The following SLC22A25 variants were observed in gnomAD, a reference collection of about 807,000 sequenced individuals.
SLC22A25 encodes the protein MGI:2442751, MGI:2385316, MGI:3042283, MGI:3645714, MGI:3605624, MGI:2442750.
SLC22A25 carries 44 observed loss-of-function variants against 45.9 expected under a neutral mutation model. The observed-to-expected ratio is 0.96, with a 90% confidence interval of 0.75 to 1.23. SLC22A25 has a LOEUF of 1.23. Ranked by LOEUF, SLC22A25 falls within the 50% of genes most tolerant of loss-of-function variation. The pLI is 0.00. For missense variants in SLC22A25, 800 were observed against 666.4 expected (o/e 1.20, Z -2.21); for synonymous variants, 283 against 238.6 (o/e 1.19, Z -1.72).
intron 7 of SLC22A25, among the ~76,000 whole-genome samples, chr11:63,200,397 A>G (rs2089201692): frequency 6.6e-6 from 1 of 151,320 alleles, no homozygotes; most frequent in South Asian, 2.1e-4. Flanking sequence ...AGAACTAAAG[A>G]CAAAAACACA....
Position 63,180,908 on chromosome 11 carries a change from A to C in SLC22A25, c.955-133T>G, listed in dbSNP as rs17157923. ...TCTAGCAGAAAATACATGGCTTAAA[A>C]ATGCAATGGCAAATATAAAAGTGGT... On this transcript the variant is annotated intron_variant, in intron 8 of 11. Coordinates refer to ENST00000306494, the MANE Select transcript of SLC22A25 (RefSeq NM_199352.6). 9.9e-3 allele frequency: 5,966 copies of C among 601,950 alleles called. 100 individuals carry two copies. Among genetic ancestry groups the C allele is most frequent in the African/African-American group, 0.051 (2,721 of 53,806 alleles). 37.3% of individuals were successfully genotyped at this position (601,950 alleles called of 1,614,324 possible).
chr11:63,235,190 T>A (rs2090142440), intron 3 of SLC22A25, among the ~76,000 whole-genome samples: 1 of 152,256 alleles, frequency 6.6e-6, no homozygotes, highest in Non-Finnish European at 1.5e-5. Context: ...AATGTTGGCC[T>A]GCCTTGCTAG....
intron 7 of SLC22A25, among the ~76,000 whole-genome samples, chr11:63,199,226 C>T (rs937428614): frequency 6.6e-6 from 1 of 151,914 alleles, no homozygotes; most frequent in African/African-American, 2.4e-5. Context: ...GTGATATTAC[C>T]ATTGACCTCA....
chr11:63,172,065 A>G (rs2087907163), intron 9 of SLC22A25, among the ~76,000 whole-genome samples: 1 of 152,216 alleles, frequency 6.6e-6, no homozygotes, highest in Admixed American at 6.5e-5. Flanking sequence ...TATTTAATAA[A>G]TGGTGCTGGG....
At chr11:63,242,974 G>C (rs1450007176) in intron 1 of SLC22A25, 2 of 155,138 alleles carry the variant, frequency 1.3e-5, no homozygotes, top group African/African-American at 4.8e-5. Flanking sequence ...TTGAGCCAAA[G>C]GAAGGAGATG....
chr11:63,202,077 T>C (rs2089262299), intron 7 of SLC22A25, among the ~76,000 whole-genome samples: 2 of 152,006 alleles, frequency 1.3e-5, no homozygotes. Context: ...AGGGAAGCCA[T>C]GAGGGACTGT....
At chr11:63,177,983 C>T (rs546341041) in intron 9 of SLC22A25, among the ~76,000 whole-genome samples, 6 of 150,646 alleles carry the variant, frequency 4.0e-5, no homozygotes, top group African/African-American at 1.5e-4. Context: ...TCAAGCTATC[C>T]TCCCATCTCA....
In SLC22A25 at chr11:63,158,932, A is replaced by G. The variant is rs1590759897; in HGVS notation, c.*4892T>C. 6.6e-6 allele frequency among the ~76,000 whole-genome samples: 1 copy of G among 152,040 alleles called. No homozygotes were observed. The highest frequency in any genetic ancestry group is 1.9e-4 in the East Asian group (1 of 5,180). ...ATACCCTTCTCAGCCTCTGGTAATCATCCTTCTCTCTCTATGTCTATGAGT... is the reference window on the plus strand; with the variant it reads ...ATACCCTTCTCAGCCTCTGGTAATCGTCCTTCTCTCTCTATGTCTATGAGT... On this transcript the variant is annotated 3_prime_UTR_variant, in exon 12 of 12. Coordinates refer to ENST00000306494, the MANE Select transcript of SLC22A25 (RefSeq NM_199352.6).
At chr11:63,240,689 G>T (rs2090233244) in intron 1 of SLC22A25, among the ~76,000 whole-genome samples, 1 of 151,894 alleles carries the variant, frequency 6.6e-6, no homozygotes, top group South Asian at 2.1e-4. Context: ...TAAAAATAAA[G>T]ACCAAACTCT....
intron 7 of SLC22A25, among the ~76,000 whole-genome samples, chr11:63,202,274 T>C (rs1007200157): frequency 4.0e-5 from 6 of 151,440 alleles, no homozygotes; most frequent in Non-Finnish European, 7.4e-5. Flanking sequence ...AATACCCCAG[T>C]GGTGCCTGGA....
intron 7 of SLC22A25, among the ~76,000 whole-genome samples, chr11:63,194,263 T>G (rs1322324802): frequency 1.3e-5 from 2 of 151,978 alleles, no homozygotes; most frequent in African/African-American, 4.8e-5. Context: ...CAGGAGAACT[T>G]CCCCAACCTA....
intron 6 of SLC22A25, 47 bp downstream of exon 6, chr11:63,217,534 T>C: frequency 1.9e-6 from 3 of 1,610,110 alleles, no homozygotes; most frequent in South Asian, 2.2e-5. Flanking sequence ...GGAGCTTCAA[T>C]GTCAAAGCCA....
At chr11:63,169,899 A>G (rs139100642) in intron 9 of SLC22A25, among the ~76,000 whole-genome samples, 3,300 of 152,312 alleles carry the variant, frequency 0.022, 123 homozygotes, top group African/African-American at 0.075. Flanking sequence ...TCTAAAATTG[A>G]TCACATAATT....
intron 7 of SLC22A25, among the ~76,000 whole-genome samples, chr11:63,202,525 C>A (rs2089279030): frequency 6.6e-6 from 1 of 152,170 alleles, no homozygotes; most frequent in Non-Finnish European, 1.5e-5. Flanking sequence ...ACAGTGTAAA[C>A]AAAGACACAA....
rs1345462044 is a variant in SLC22A25, at chr11:63,159,495, T to C, written c.*4329A>G. 6.6e-6 allele frequency among the ~76,000 whole-genome samples: 1 copy of C among 152,196 alleles called. No individual in the cohort carries two copies. Among genetic ancestry groups the C allele is most frequent in the African/African-American group, 2.4e-5 (1 of 41,448 alleles). ...CTCTTTTCCCTGCTGCCATGTAAGT[T>C]GTGCCTTTCACCTTCTGCCGTGATT... is the stretch of plus-strand genomic sequence containing the variant. On this transcript the variant is annotated 3_prime_UTR_variant, in exon 12 of 12. Transcript: ENST00000306494.
At chr11:63,233,683 G>T (rs958019460) in intron 3 of SLC22A25, among the ~76,000 whole-genome samples, 12 of 152,150 alleles carry the variant, frequency 7.9e-5, no homozygotes, top group African/African-American at 2.2e-4. Flanking sequence ...GCTAGGTTTT[G>T]AATGTGTTTG....
At chr11:63,227,074 G>T (rs2089976971) in intron 5 of SLC22A25, among the ~76,000 whole-genome samples, 1 of 152,134 alleles carries the variant, frequency 6.6e-6, no homozygotes, top group Non-Finnish European at 1.5e-5. Context: ...GTCTAGAAAT[G>T]CTGCCCAAGA....
chr11:63,206,919 G>T (rs117740614), intron 7 of SLC22A25, among the ~76,000 whole-genome samples: 4,045 of 152,226 alleles, frequency 0.027, 93 homozygotes, highest in Non-Finnish European at 0.039. Flanking sequence ...CATGGCAGTG[G>T]TACCAAAACA....
chr11:63,182,413 GGTGT>G (rs1457356477), intron 8 of SLC22A25, among the ~76,000 whole-genome samples: 1 of 151,656 alleles, frequency 6.6e-6, no homozygotes, highest in Non-Finnish European at 1.5e-5. Flanking sequence ...TCACATGCTA[GGTGT>G]GTGTGTATGA....
Sources: allele counts gnomAD v4.1 joint callset (sites outside exome capture counted in the v4.1 genomes callset), GRCh38; gene constraint gnomAD v4.1.1; transcripts MANE v1.5; gene names NCBI Gene and HGNC (gene_info 2026-07-23, HGNC 2026-07-21).